The following GRM4 variants were observed in gnomAD, a reference collection of about 807,000 sequenced individuals.
GRM4 encodes metabotropic glutamate receptor 4.
Under a neutral mutation model 81.7 loss-of-function variants are expected in GRM4, and 28 were observed. The observed-to-expected ratio is 0.34, with a 90% CI of 0.25 to 0.47. The LOEUF (loss-of-function observed/expected upper bound fraction) is 0.47. Ranked by LOEUF, GRM4 falls within the 20% of genes least tolerant of loss-of-function variation. The pLI, the probability that GRM4 is intolerant of heterozygous loss-of-function variation, is 1.00. For synonymous variants in GRM4, 488 were observed against 528.8 expected, an observed-to-expected ratio of 0.92 and a Z score of 1.06; for missense variants, 948 against 1,290.0, an observed-to-expected ratio of 0.73 and a Z score of 4.06.
At chr6:34,094,891 T>C (rs1768430031) in intron 2 of GRM4, among the ~76,000 whole-genome samples, 1 of 152,070 alleles carries the variant, frequency 6.6e-6, no homozygotes, top group African/African-American at 2.4e-5. Flanking sequence ...TCCCTATTCC[T>C]CCTTCCAAGC....
intron 1 of GRM4, among the ~76,000 whole-genome samples, chr6:34,137,591 C>CT (rs796255832): frequency 0.013 from 1,713 of 133,686 alleles, 20 homozygotes; most frequent in African/African-American, 0.022. Context: ...CCTTTTTTTT[C>CT]TTTTTTTTTT....
At chr6:34,072,960 ATG>A (rs1414560762) in intron 3 of GRM4, among the ~76,000 whole-genome samples, 5 of 106,300 alleles carry the variant, frequency 4.7e-5, no homozygotes, top group African/African-American at 7.0e-5. Flanking sequence ...CACCACACAC[ATG>A]CATCACCACA....
At chr6:34,149,648 C>T (rs1213411847), upstream of GRM4, among the ~76,000 whole-genome samples, 3 of 152,130 alleles carry the variant, frequency 2.0e-5, no homozygotes, top group African/African-American at 7.2e-5. Flanking sequence ...ACAGCCTGCT[C>T]GGGACAGGCT....
intron 3 of GRM4, among the ~76,000 whole-genome samples, chr6:34,079,939 C>T (rs1350294146): frequency 4.6e-5 from 7 of 152,220 alleles, no homozygotes; most frequent in African/African-American, 1.2e-4. Context: ...CGACCCTCCT[C>T]TGCTCCTGAC....
At chr6:34,044,326 A>G (rs557021022) in intron 6 of GRM4, among the ~76,000 whole-genome samples, 25 of 150,802 alleles carry the variant, frequency 1.7e-4, no homozygotes, top group African/African-American at 5.4e-4. Flanking sequence ...ACAGACACAC[A>G]TACACACAGA....
At chr6:34,086,505 C>T (rs1194926821) in intron 3 of GRM4, among the ~76,000 whole-genome samples, 1 of 152,222 alleles carries the variant, frequency 6.6e-6, no homozygotes, top group African/African-American at 2.4e-5. Context: ...CCAAGCCCCC[C>T]ACACTCCTTC....
upstream of GRM4, among the ~76,000 whole-genome samples, chr6:34,146,443 T>C (rs1048954013): frequency 7.2e-5 from 11 of 152,156 alleles, no homozygotes; most frequent in Non-Finnish European, 1.3e-4. Context: ...GAAGAATCCC[T>C]TAGCCAACCA....
chr6:34,077,455 G>A (rs2127475681), intron 3 of GRM4, among the ~76,000 whole-genome samples: 1 of 152,082 alleles, frequency 6.6e-6, no homozygotes, highest in Middle Eastern at 3.4e-3. Context: ...CCAGACCACA[G>A]CCCCACACCT....
Position 34,115,896 on chromosome 6 carries a change from A to G in GRM4, c.519+17082T>C, listed in dbSNP as rs183610623. Reference sequence around the variant, plus strand: ...ATGGACGGTCAATCAATGGAAAGGGACTTTGAAAAGGTAAAAATGAGGTAC... The same window carrying G: ...ATGGACGGTCAATCAATGGAAAGGGGCTTTGAAAAGGTAAAAATGAGGTAC... On this transcript the variant is annotated intron_variant, in intron 2 of 10. Transcript: ENST00000538487. This position sits in a 1 kb window ranked among gnomAD's most constrained non-coding sequence, Gnocchi z 4.1. Among the ~76,000 whole-genome samples the G allele has an allele frequency of 3.0e-3, 456 of 152,330 alleles. 1 individual carries two copies. Among genetic ancestry groups the G allele is most frequent in the African/African-American group, 0.01 (427 of 41,572 alleles).
At chr6:34,071,651 TTC>T (rs1766873791) in intron 3 of GRM4, among the ~76,000 whole-genome samples, 1 of 5,586 alleles carries the variant, frequency 1.8e-4, no homozygotes, top group African/African-American at 7.6e-4. Flanking sequence ...CACACACCCA[TTC>T]ATCAGCACAC....
intron 10 of GRM4, among the ~76,000 whole-genome samples, chr6:34,026,318 C>T (rs1764131504): frequency 6.6e-6 from 1 of 152,146 alleles, no homozygotes. Flanking sequence ...CTCCATGGCC[C>T]CTGTTGTCAC....
intron 3 of GRM4, among the ~76,000 whole-genome samples, chr6:34,081,725 C>CTGGG (rs1314906079): frequency 6.6e-6 from 1 of 151,912 alleles, no homozygotes; most frequent in Non-Finnish European, 1.5e-5. Context: ...GTGGGAAGCG[C>CTGGG]TGGGTGGTGA....
At chr6:34,106,821 C>T (rs1313910510) in intron 2 of GRM4, among the ~76,000 whole-genome samples, 1 of 152,268 alleles carries the variant, frequency 6.6e-6, no homozygotes, top group Non-Finnish European at 1.5e-5. Flanking sequence ...GCAGGTTCTG[C>T]AAATAAATAT....
At position 34,080,871 on chromosome 6, in the gene GRM4, T is replaced by TAC. The variant is rs3041182; in HGVS notation, c.736+11010_736+11011dup. Among the ~76,000 whole-genome samples the TAC allele has an allele frequency of 0.39, 47,813 of 122,876 alleles. 8,031 individuals are homozygous for TAC. The highest frequency in any genetic ancestry group is 0.42 in the Non-Finnish European group (25,631 of 61,136). The allele number at this position is 122,876 out of a possible 152,430, so 80.6% of individuals were successfully genotyped here. A position where few individuals can be genotyped will look rare whatever the true frequency, so the allele number is the denominator to read the frequency against. ...ATACACACACACATACACATACATATACACACACACACACACACAACCCTT... is the reference window on the plus strand; with the variant it reads ...ATACACACACACATACACATACATATACACACACACACACACACACAACCCTT... On this transcript the variant is annotated intron_variant, in intron 3 of 10. Transcript: ENST00000538487. This position sits in a 1 kb window ranked among gnomAD's most constrained non-coding sequence, Gnocchi z 5.4.
intron 2 of GRM4, among the ~76,000 whole-genome samples, chr6:34,113,738 A>G (rs1769479702): frequency 6.6e-6 from 1 of 152,170 alleles, no homozygotes; most frequent in African/African-American, 2.4e-5. Flanking sequence ...AGCAGGGTGC[A>G]GCTGAAGGCT....
chr6:34,103,421 G>T (rs1768944727), intron 2 of GRM4, among the ~76,000 whole-genome samples: 1 of 152,242 alleles, frequency 6.6e-6, no homozygotes, highest in African/African-American at 2.4e-5. Flanking sequence ...CGGCAGGGCT[G>T]ACAAAGGAGG....
chr6:34,154,250 TC>T lies in GRM4; in HGVS notation c.312+828del, dbSNP rs1263707602. Among the ~76,000 whole-genome samples the T allele has an allele frequency of 2.0e-5, 3 of 152,108 alleles. No homozygotes were observed. In the East Asian group the frequency reaches 5.8e-4, roughly 29 times the overall value. On this transcript the variant is annotated intron_variant, in intron 1 of 8. Transcript: ENST00000374177. ...GGCCCTGTGAGATGGTGAGCACGGC[TC>T]CCCGCACACACCTCCCCTCACCGCG...
chr6:34,082,401 G>A (rs1317523240), intron 3 of GRM4, among the ~76,000 whole-genome samples: 3 of 152,358 alleles, frequency 2.0e-5, no homozygotes, highest in South Asian at 2.1e-4. Context: ...GACCAACTGT[G>A]GTGCTTGACC....
Position 34,059,126 on chromosome 6 carries a change from C to A in GRM4, c.875G>T (p.Arg292Leu). ...GGCCCTTCGTGCTGCCTCCAGCACA[C>A]GCCTGTAGGAACATACACCAGCCCA... ...IIFANEDDIR[R>L]VLEAARRANQ... Residue 292 changes from arginine (R) to leucine (L), a missense_variant and splice_region_variant, in exon 5 of 11, where the codon CGT becomes CTT. Coordinates refer to ENST00000538487, the MANE Select transcript of GRM4 (RefSeq NM_000841.4). The surrounding 1 kb of genome is among the most constrained non-coding windows in gnomAD (Gnocchi z 5.7). 6.2e-7 allele frequency: 1 copy of A among 1,613,262 alleles called. No individual in the cohort carries two copies. Among genetic ancestry groups the A allele is most frequent in the Non-Finnish European group, 8.5e-7 (1 of 1,179,740 alleles).
Sources: gnomAD v4.1 joint callset for allele counts (sites outside exome capture counted in the v4.1 genomes callset) on GRCh38, gnomAD v4.1.1 for gene constraint, Gnocchi (gnomAD v3.1) non-coding constraint, MANE v1.5 for transcripts, NCBI Gene and HGNC (gene_info 2026-07-23, HGNC 2026-07-21) for gene names.